Variants in BTBD16 observed in about 807,000 individuals in gnomAD.
BTBD16 encodes BTB domain containing 16.
A neutral mutation model predicts 67.4 loss-of-function variants in BTBD16; 66 were observed. The ratio of observed to expected loss-of-function variants is 0.98; its 90% CI spans 0.80 to 1.20. The LOEUF is 1.20. Ranked by LOEUF, BTBD16 falls within the 50% of genes most tolerant of loss-of-function variation. BTBD16 has a pLI of 0.00. For missense variants in BTBD16, 634 were observed against 616.0 expected (o/e 1.03, Z -0.31); for synonymous variants, 242 against 236.4 (o/e 1.02, Z -0.22).
chr10:122,282,563 G>T (rs898477943), intron 3 of BTBD16, among the ~76,000 whole-genome samples: 1 of 152,190 alleles, frequency 6.6e-6, no homozygotes, highest in Non-Finnish European at 1.5e-5. Flanking sequence ...ATGTCTCTTG[G>T]CTGGCTGGCT....
At chr10:122,327,974 C>T (rs563750618) in intron 10 of BTBD16, among the ~76,000 whole-genome samples, 5 of 152,216 alleles carry the variant, frequency 3.3e-5, no homozygotes, top group Non-Finnish European at 5.9e-5. Context: ...GGGCAGCACC[C>T]GGCTGTGGAG....
intron 11 of BTBD16, among the ~76,000 whole-genome samples, chr10:122,330,589 T>C (rs2133318375): frequency 6.6e-6 from 1 of 152,332 alleles, no homozygotes; most frequent in Non-Finnish European, 1.5e-5. Context: ...TTCAAAATAA[T>C]ATGTTACACT....
chr10:122,324,184 G>T (rs1565018496), intron 10 of BTBD16, among the ~76,000 whole-genome samples: 3 of 152,180 alleles, frequency 2.0e-5, no homozygotes, highest in Admixed American at 1.3e-4. Flanking sequence ...GATCTCACTT[G>T]TGCACTGGAT....
chr10:122,309,641 C>T (rs374600067), intron 10 of BTBD16, among the ~76,000 whole-genome samples: 5 of 151,978 alleles, frequency 3.3e-5, no homozygotes, highest in African/African-American at 1.2e-4. Flanking sequence ...CTGCGCCCAG[C>T]CTAAAATTAT....
intron 10 of BTBD16, chr10:122,327,598 A>C: frequency 2.0e-6 from 2 of 985,408 alleles, no homozygotes; most frequent in Non-Finnish European, 2.4e-6. Flanking sequence ...TTGGATGATG[A>C]GATGACTCAT....
At chr10:122,332,211 G>T in intron 12 of BTBD16, 4 of 513,830 alleles carry the variant, frequency 7.8e-6, no homozygotes, top group African/African-American at 3.9e-5. Context: ...ATACTTTTTT[G>T]TCTTCTCCTT....
chr10:122,336,474 G>T lies in BTBD16; in HGVS notation c.1264-20G>T, dbSNP rs771979233. 6.3e-7 allele frequency: 1 copy of T among 1,582,494 alleles called. No homozygotes were observed. Among genetic ancestry groups the T allele is most frequent in the East Asian group, 2.3e-5 (1 of 43,422 alleles). ...CACCCCGATTGCAGTTCCACCTAAGGTGAATCACTCTCTTTGCAGAGAATA... is the reference window on the plus strand; with the variant it reads ...CACCCCGATTGCAGTTCCACCTAAGTTGAATCACTCTCTTTGCAGAGAATA... On this transcript the variant is annotated intron_variant, in intron 14 of 15. Coordinates refer to ENST00000260723, the MANE Select transcript of BTBD16 (RefSeq NM_144587.5).
chr10:122,298,937 T>A, intron 8 of BTBD16, 67 bp from the exon 9 acceptor site: 1 of 1,591,348 alleles, frequency 6.3e-7, no homozygotes, highest in Non-Finnish European at 8.5e-7. Flanking sequence ...TGTAGTGTCG[T>A]CTCAGGCCAG....
At chr10:122,323,002 C>A (rs2096438195) in intron 10 of BTBD16, among the ~76,000 whole-genome samples, 1 of 152,186 alleles carries the variant, frequency 6.6e-6, no homozygotes, top group South Asian at 2.1e-4. Flanking sequence ...CTCCCTTTAC[C>A]CTCCCAGTCC....
At chr10:122,297,639 C>T in intron 7 of BTBD16, 129 bp from the exon 8 acceptor site, 1 of 966,884 alleles carries the variant, frequency 1.0e-6, no homozygotes, top group Admixed American at 2.0e-5. Context: ...TGTCCATACC[C>T]CTAAAGCGAG....
At chr10:122,279,280 C>G (rs1224709397) in intron 3 of BTBD16, among the ~76,000 whole-genome samples, 1 of 151,824 alleles carries the variant, frequency 6.6e-6, no homozygotes. Context: ...GAATTTGAGA[C>G]CAGCATGGGG....
chr10:122,288,435 T>C (rs2096367729), intron 5 of BTBD16, among the ~76,000 whole-genome samples: 1 of 152,200 alleles, frequency 6.6e-6, no homozygotes, highest in Admixed American at 6.5e-5. Flanking sequence ...CTTTGCTCTC[T>C]CTTTCTTTAT....
At chr10:122,301,071 G>T (rs2096392886) in intron 9 of BTBD16, among the ~76,000 whole-genome samples, 1 of 152,112 alleles carries the variant, frequency 6.6e-6, no homozygotes, top group Admixed American at 6.5e-5. Flanking sequence ...CAGGGCACTG[G>T]CTCACTCCTA....
At chr10:122,332,723 T>C (rs1010226097) in intron 13 of BTBD16, 1 of 786,150 alleles carries the variant, frequency 1.3e-6, no homozygotes, top group Non-Finnish European at 1.5e-6. Flanking sequence ...ATTTAATAAT[T>C]TCCCCACTAA....
intron 5 of BTBD16, among the ~76,000 whole-genome samples, chr10:122,286,668 G>C (rs201261802): frequency 3.3e-5 from 5 of 152,148 alleles, no homozygotes; most frequent in Non-Finnish European, 5.9e-5. Flanking sequence ...TCTGTGGCTT[G>C]TTTGGCCCTA....
Position 122,332,437 on chromosome 10 carries a change from T to C in BTBD16, c.1088T>C (p.Leu363Pro), listed in dbSNP as rs2096456654. The change falls in exon 13 of 16, where the codon CTG (leucine) becomes CCG (proline). Residue 363 changes from leucine (L) to proline (P), a missense_variant and splice_region_variant. Coordinates refer to ENST00000260723, the MANE Select transcript of BTBD16 (RefSeq NM_144587.5). ...CAGCTGTGTGCATTTTCCTTTCAGC[T>C]GGAGAATGGGGGCGACATGGTCCAC... ...DQVTVNHYHA[L>P]ENGGDMVHLK... 2 of 1,613,836 alleles carry C rather than the reference T, an allele frequency of 1.2e-6. No homozygotes were observed. The highest frequency in any genetic ancestry group is 8.5e-7 in the Non-Finnish European group (1 of 1,179,988).
intron 7 of BTBD16, among the ~76,000 whole-genome samples, chr10:122,292,977 C>T (rs2096376842): frequency 6.6e-6 from 1 of 152,158 alleles, no homozygotes; most frequent in Non-Finnish European, 1.5e-5. Context: ...AGTGGAAAAT[C>T]ATTCATGGGA....
chr10:122,274,835 T>C (rs2096336906), intron 1 of BTBD16, among the ~76,000 whole-genome samples: 1 of 147,534 alleles, frequency 6.8e-6, no homozygotes, highest in African/African-American at 2.5e-5. Context: ...GATCTCTCTA[T>C]TCACCTGCTT....
At chr10:122,326,489 G>A (rs1366466449) in intron 10 of BTBD16, among the ~76,000 whole-genome samples, 14 of 152,302 alleles carry the variant, frequency 9.2e-5, no homozygotes, top group Non-Finnish European at 1.5e-5. Flanking sequence ...TAGCATATAT[G>A]TATGTTAAGG....
Sources: allele counts gnomAD v4.1 joint callset (sites outside exome capture counted in the v4.1 genomes callset), GRCh38; gene constraint gnomAD v4.1.1; transcripts MANE v1.5; gene names NCBI Gene and HGNC (gene_info 2026-07-23, HGNC 2026-07-21).